CCNL2: variants seen among roughly 807,000 people sequenced by gnomAD.
CCNL2 encodes the protein cyclin-L2.
CCNL2 carries 28 observed loss-of-function variants against 59.1 expected under a neutral mutation model. The ratio of observed to expected loss-of-function variants is 0.47; its 90% CI spans 0.35 to 0.65. The LOEUF (loss-of-function observed/expected upper bound fraction) is 0.65, where lower values mean the gene tolerates loss of function less well. CCNL2 is among the 30% of genes least tolerant of loss of function. CCNL2 has a pLI of 0.00. For synonymous variants in CCNL2, 342 were observed against 288.6 expected, an observed-to-expected ratio of 1.19 and a Z score of -1.88; for missense variants, 714 against 717.4, an observed-to-expected ratio of 1.00 and a Z score of 0.05.
chr1:1,389,846 C>T (rs1216910156), intron 8 of CCNL2, among the ~76,000 whole-genome samples: 1 of 152,086 alleles, frequency 6.6e-6, no homozygotes, highest in African/African-American at 2.4e-5. Context: ...GCAGTCCCAG[C>T]TACTCAGGAG....
intron 5 of CCNL2, chr1:1,391,476 C>A: frequency 7.8e-7 from 1 of 1,276,216 alleles, no homozygotes; most frequent in Non-Finnish European, 1.0e-6. Flanking sequence ...GCAAGTTGGA[C>A]GCGTGGGAGC....
rs745558004 is a variant in CCNL2 at position 1,395,547 on chromosome 1, A to G, written c.474-33T>C. 30 of 1,612,266 alleles carry G rather than the reference A, an allele frequency of 1.9e-5. No individual in the cohort carries two copies. The South Asian group carries it at 3.0e-4, about 16-fold the overall frequency. On this transcript the variant is annotated intron_variant, in intron 3 of 10. Transcript: ENST00000400809. Reference sequence around the variant, plus strand: ...AGAGAGAGCACAGGGTCTGCACCACAGTCAAGCAGAGCAAGGCTTCTGAGA... The same window carrying G: ...AGAGAGAGCACAGGGTCTGCACCACGGTCAAGCAGAGCAAGGCTTCTGAGA...
intron 5 of CCNL2, 131 bp downstream of exon 5, chr1:1,393,265 G>A (rs1431645798): frequency 8.1e-6 from 6 of 742,456 alleles, no homozygotes; most frequent in Non-Finnish European, 2.4e-6. Flanking sequence ...TACAGCAGGA[G>A]CACTGGGCAC....
chr1:1,391,126 G>A (rs754470010), intron 5 of CCNL2: 40 of 1,243,472 alleles, frequency 3.2e-5, no homozygotes, highest in Admixed American at 3.8e-5. Context: ...CAGACAATAC[G>A]TGTTGCTATG....
In CCNL2 at chr1:1,399,283, A is replaced by AGCC. The variant is rs745352821; in HGVS notation, c.21_23dup (p.Ala8dup). ...CGGGAGCTGCCGACCCTGCAGCACC[A>AGCC]GCCGCCGCCGCCGCCGCCGCCATTT... On this transcript the variant is annotated inframe_insertion, in exon 1 of 11. Coordinates refer to ENST00000400809, the MANE Select transcript of CCNL2 (RefSeq NM_030937.6). The AGCC allele has an allele frequency of 2.4e-4, 352 of 1,470,890 alleles. 1 individual carries two copies. Among genetic ancestry groups the AGCC allele is most frequent in the African/African-American group, 5.4e-4 (36 of 67,116 alleles). 91.1% of individuals were successfully genotyped at this position (1,470,890 alleles called of 1,614,324 possible).
chr1:1,395,108 C>A, intron 4 of CCNL2: 1 of 341,898 alleles, frequency 2.9e-6, no homozygotes, highest in East Asian at 4.8e-5. Context: ...GAAAGGAAAA[C>A]ATAAACTAAA....
intron 10 of CCNL2, 77 bp from the exon 11 acceptor site, chr1:1,387,659 C>A: frequency 6.5e-6 from 9 of 1,393,802 alleles, no homozygotes; most frequent in Non-Finnish European, 8.8e-6. Context: ...GGAGCTCAGA[C>A]AAGACACACA....
rs1411183821 is a variant in CCNL2 at position 1,390,876 on chromosome 1, AAC to A, written c.660-13_660-12del. On this transcript the variant is annotated splice_polypyrimidine_tract_variant and intron_variant, in intron 5 of 10. Coordinates refer to ENST00000400809, the MANE Select transcript of CCNL2 (RefSeq NM_030937.6). ...TCGTTCATGTAATTCCTGGAAGCCA[AAC>A]ACAGGAAGAACTGCAATGCCCCACC... The A allele has an allele frequency of 1.2e-5, 20 of 1,610,768 alleles. No homozygotes were observed. The Admixed American group carries it at 2.0e-4, about 16-fold the overall frequency.
Position 1,387,072 on chromosome 1 carries a change from A to C in CCNL2, c.*159T>G. Reference sequence around the variant, plus strand: ...CTCAGTTCCATTTCCAAATCCACCAAGGTCCAGTCGACAGACATTTCCAAA... The same window carrying C: ...CTCAGTTCCATTTCCAAATCCACCACGGTCCAGTCGACAGACATTTCCAAA... On this transcript the variant is annotated 3_prime_UTR_variant, in exon 11 of 11. Coordinates refer to ENST00000400809, the MANE Select transcript of CCNL2 (RefSeq NM_030937.6). 1.7e-6 allele frequency: 1 copy of C among 600,816 alleles called. No homozygotes were observed. Among genetic ancestry groups the C allele is most frequent in the Non-Finnish European group, 2.9e-6 (1 of 348,434 alleles). 37.2% of individuals were successfully genotyped at this position (600,816 alleles called of 1,614,324 possible).
chr1:1,395,615 A>G, intron 3 of CCNL2, 101 bp from the exon 4 acceptor site: 1 of 1,501,878 alleles, frequency 6.7e-7, no homozygotes, highest in East Asian at 2.3e-5. Flanking sequence ...CACAAACCCC[A>G]CAACACAACA....
intron 8 of CCNL2, 137 bp from the exon 9 acceptor site, chr1:1,388,202 G>T: frequency 1.5e-6 from 1 of 676,480 alleles, no homozygotes; most frequent in Non-Finnish European, 2.6e-6. Flanking sequence ...TCCCAGCTGG[G>T]ACCCAGAACT....
In CCNL2 at chr1:1,387,986, GGCGCCC is replaced by G; in HGVS notation, c.1080_1085del (p.Glu360_Ala362delinsAsp). On this transcript the variant is annotated inframe_deletion, in exon 9 of 11. Transcript: ENST00000400809. ...CGGGGCTGTCCGCCTTGGCTTTCTTGGCGCCCTCCAGCCTCCTCTTGGTGTTCTTCA... is the reference window on the plus strand; with the variant it reads ...CGGGGCTGTCCGCCTTGGCTTTCTTGTCCAGCCTCCTCTTGGTGTTCTTCA... The G allele has an allele frequency of 6.2e-7, 1 of 1,614,102 alleles. No individual in the cohort carries two copies. The highest frequency in any genetic ancestry group is 1.1e-5 in the South Asian group (1 of 91,090).
In CCNL2 at chr1:1,399,179, G is replaced by A; in HGVS notation, c.128C>T (p.Ser43Phe). 1.2e-6 allele frequency: 2 copies of A among 1,610,894 alleles called. No homozygotes were observed. Among genetic ancestry groups the A allele is most frequent in the Non-Finnish European group, 1.7e-6 (2 of 1,179,062 alleles). ...GTTCTCCAAGGTGATGAGCACCCCG[G>A]AGTACAGCCTGTCCCCGATCAGCAC... ...QGVLIGDRLY[S>F]GVLITLENCL... The change falls in exon 1 of 11, where the codon TCC becomes TTC. Residue 43 changes from serine (S) to phenylalanine (F), a missense_variant. Ser to Phe is a radical substitution (Grantham distance 155, BLOSUM62 -2). Transcript: ENST00000400809.
chr1:1,399,118 C>A lies in CCNL2; in HGVS notation c.189G>T (p.Pro63=). ...LLPDDKLRFT[P]SMSSGLDTDT... is the part of the protein sequence containing the mutation. ...CGGTGTCGAGGCCGCTCGACATGGA[C>A]GGCGTGAAACGGAGCTTGTCGTCAG... The change falls in exon 1 of 11, where the codon CCG becomes CCT. Residue 63 remains proline (P), a synonymous_variant. Coordinates refer to ENST00000400809, the MANE Select transcript of CCNL2 (RefSeq NM_030937.6). 6.2e-7 allele frequency: 1 copy of A among 1,611,924 alleles called. No individual in the cohort carries two copies. Among genetic ancestry groups the A allele is most frequent in the Non-Finnish European group, 8.5e-7 (1 of 1,179,446 alleles).
intron 5 of CCNL2, chr1:1,391,189 T>C: frequency 8.8e-7 from 1 of 1,140,492 alleles, no homozygotes; most frequent in South Asian, 2.5e-5. Flanking sequence ...CCTGCTCTCA[T>C]GCAAAGCACG....
chr1:1,392,122 G>A (rs1180505709), intron 5 of CCNL2: 6 of 201,194 alleles, frequency 3.0e-5, no homozygotes, highest in South Asian at 1.6e-4. Flanking sequence ...TCTGTGTGGC[G>A]GCCGTGTGGC....
intron 5 of CCNL2, chr1:1,391,147 GACTTTA>G (rs1644742634): frequency 4.2e-6 from 5 of 1,204,000 alleles, no homozygotes; most frequent in Non-Finnish European, 5.2e-6. Context: ...AAAGAGAACC[GACTTTA>G]ACTTTACTTT....
chr1:1,397,453 C>A (rs1305559036), intron 3 of CCNL2, among the ~76,000 whole-genome samples: 2 of 152,180 alleles, frequency 1.3e-5, no homozygotes, highest in Non-Finnish European at 2.9e-5. Context: ...GCTCCCACAT[C>A]TGGTATGAGA....
intron 3 of CCNL2, among the ~76,000 whole-genome samples, chr1:1,397,681 G>A (rs1645116179): frequency 6.6e-6 from 1 of 152,132 alleles, no homozygotes; most frequent in Non-Finnish European, 1.5e-5. Flanking sequence ...GGGCAACACA[G>A]CATGACCCCA....
Sources: allele counts gnomAD v4.1 joint callset (sites outside exome capture counted in the v4.1 genomes callset), GRCh38; gene constraint gnomAD v4.1.1; transcripts MANE v1.5; gene names NCBI Gene and HGNC (gene_info 2026-07-23, HGNC 2026-07-21).